SGCZ: variants seen among roughly 807,000 people sequenced by gnomAD.
The protein encoded by SGCZ is sarcoglycan zeta, also known as zeta-sarcoglycan.
In SGCZ, 40 loss-of-function variants were observed where a neutral mutation model predicts 41.3. That is an observed-to-expected ratio of 0.97 (90% CI 0.75 to 1.26). The LOEUF (loss-of-function observed/expected upper bound fraction) is 1.26, where lower values mean the gene tolerates loss of function less well. SGCZ is among the 50% of genes most tolerant of loss of function. The pLI, the probability that SGCZ is intolerant of heterozygous loss-of-function variation, is 0.00. For missense variants in SGCZ, 552 were observed against 369.8 expected (o/e 1.49, Z -4.04); for synonymous variants, 206 against 137.5 (o/e 1.50, Z -3.49).
At chr8:14,550,549 A>G (rs1168684569) in intron 2 of SGCZ, among the ~76,000 whole-genome samples, 1 of 151,962 alleles carries the variant, frequency 6.6e-6, no homozygotes, top group Non-Finnish European at 1.5e-5. Context: ...TACTACTGCT[A>G]TGTGTGGGGT....
chr8:14,671,750 T>C (rs1040393080), intron 1 of SGCZ, among the ~76,000 whole-genome samples: 2 of 152,120 alleles, frequency 1.3e-5, no homozygotes, highest in African/African-American at 2.4e-5. Context: ...AATAATAACA[T>C]AAATAATTTC....
At chr8:15,147,646 T>C (rs923953294) in intron 1 of SGCZ, among the ~76,000 whole-genome samples, 2 of 152,096 alleles carry the variant, frequency 1.3e-5, no homozygotes, top group African/African-American at 2.4e-5. Context: ...CGATCCCTTA[T>C]GTAGAATGCA....
intron 1 of SGCZ, among the ~76,000 whole-genome samples, chr8:15,037,442 T>C (rs909751048): frequency 5.9e-5 from 9 of 152,156 alleles, no homozygotes; most frequent in Non-Finnish European, 7.4e-5. Flanking sequence ...CATGTATAAA[T>C]TACCCAGTCT....
intron 1 of SGCZ, among the ~76,000 whole-genome samples, chr8:14,643,426 G>T (rs1156617869): frequency 6.6e-6 from 1 of 151,434 alleles, no homozygotes; most frequent in Non-Finnish European, 1.5e-5. Flanking sequence ...TGCTTAATTA[G>T]ATTATTTTGT....
intron 1 of SGCZ, among the ~76,000 whole-genome samples, chr8:15,093,681 C>T (rs1279493564): frequency 1.3e-5 from 2 of 152,008 alleles, no homozygotes; most frequent in Non-Finnish European, 2.9e-5. Flanking sequence ...TATTGTACGT[C>T]AAAGTAAAAA....
At position 15,088,551 on chromosome 8, in the gene SGCZ, G is replaced by C. The variant is rs1049474174; in HGVS notation, c.39+149034C>G. On this transcript the variant is annotated intron_variant, in intron 1 of 7. Coordinates refer to ENST00000382080, the MANE Select transcript of SGCZ (RefSeq NM_139167.4). ...TTAATTCTTGAATAAACATCAGTGTGTAGAATTGTTTAAATAAAAGATGCT... is the reference window on the plus strand; with the variant it reads ...TTAATTCTTGAATAAACATCAGTGTCTAGAATTGTTTAAATAAAAGATGCT... 1.8e-4 allele frequency among the ~76,000 whole-genome samples: 27 copies of C among 152,122 alleles called. 1 individual carries two copies. Among genetic ancestry groups the C allele is most frequent in the Non-Finnish European group, 7.4e-5 (5 of 68,018 alleles).
intron 1 of SGCZ, among the ~76,000 whole-genome samples, chr8:15,012,075 T>C (rs1053192618): frequency 1.3e-5 from 2 of 152,314 alleles, no homozygotes; most frequent in African/African-American, 4.8e-5. Flanking sequence ...CCTCTTAAAA[T>C]CCATCTTTGT....
intron 4 of SGCZ, among the ~76,000 whole-genome samples, chr8:14,189,947 G>C (rs1172933294): frequency 6.6e-6 from 1 of 151,152 alleles, no homozygotes; most frequent in East Asian, 1.9e-4. Context: ...CTTCCATTTA[G>C]CATAATGTCC....
At chr8:14,611,792 T>G (rs1287834800) in intron 1 of SGCZ, among the ~76,000 whole-genome samples, 1 of 152,104 alleles carries the variant, frequency 6.6e-6, no homozygotes, top group Non-Finnish European at 1.5e-5. Flanking sequence ...CGAGACTGAC[T>G]AATAAAATAC....
At chr8:14,095,695 G>A (rs933572178) in intron 7 of SGCZ, among the ~76,000 whole-genome samples, 1 of 152,166 alleles carries the variant, frequency 6.6e-6, no homozygotes, top group East Asian at 1.9e-4. Context: ...ACTTTGGGTA[G>A]TATGGCCATT....
intron 4 of SGCZ, among the ~76,000 whole-genome samples, chr8:14,167,331 T>C (rs986169242): frequency 1.3e-5 from 2 of 152,170 alleles, no homozygotes; most frequent in African/African-American, 4.8e-5. Context: ...TCAATCTTAA[T>C]CCACCAATGA....
chr8:14,562,904 T>G (rs1804248940), intron 1 of SGCZ, among the ~76,000 whole-genome samples: 1 of 152,176 alleles, frequency 6.6e-6, no homozygotes, highest in Non-Finnish European at 1.5e-5. Flanking sequence ...AGAGATGTGG[T>G]AGCAGAGGAA....
At chr8:14,820,768 T>A (rs1362417432) in intron 1 of SGCZ, among the ~76,000 whole-genome samples, 1 of 151,412 alleles carries the variant, frequency 6.6e-6, no homozygotes, top group Non-Finnish European at 1.5e-5. Context: ...TTAAAAGGGA[T>A]CTAAAAATTT....
chr8:15,011,916 T>G (rs1351789194), intron 1 of SGCZ, among the ~76,000 whole-genome samples: 1 of 152,198 alleles, frequency 6.6e-6, no homozygotes, highest in African/African-American at 2.4e-5. Context: ...ACTGTGGTGC[T>G]TATAAGTACA....
intron 3 of SGCZ, among the ~76,000 whole-genome samples, chr8:14,285,198 T>C (rs117057916): frequency 6.6e-6 from 1 of 152,254 alleles, no homozygotes; most frequent in Non-Finnish European, 1.5e-5. Flanking sequence ...TCTCCAGCTG[T>C]TCCACATAAA....
In SGCZ at chr8:14,151,065, T is replaced by C. The variant is rs576423945; in HGVS notation, c.547+13515A>G. ...CGTCAGGTGAGGTGGGAATGGTTAT[T>C]GAGTACAAAAAATAGTAAGAAAAAA... On this transcript the variant is annotated intron_variant, in intron 5 of 7. Transcript: ENST00000382080. 2.6e-5 allele frequency among the ~76,000 whole-genome samples: 4 copies of C among 152,210 alleles called. No individual in the cohort carries two copies. The South Asian group carries it at 8.3e-4, about 32-fold the overall frequency.
At chr8:14,964,605 T>A (rs755846266) in intron 1 of SGCZ, among the ~76,000 whole-genome samples, 1 of 152,212 alleles carries the variant, frequency 6.6e-6, no homozygotes, top group Non-Finnish European at 1.5e-5. Flanking sequence ...ATCCCACACG[T>A]AGCTTTGCAA....
chr8:14,662,382 C>A (rs186590143), intron 1 of SGCZ, among the ~76,000 whole-genome samples: 1 of 152,272 alleles, frequency 6.6e-6, no homozygotes, highest in East Asian at 1.9e-4. Context: ...ATTATGTTTT[C>A]CACATAAATG....
chr8:14,209,945 C>T (rs1670164588), intron 4 of SGCZ, among the ~76,000 whole-genome samples: 1 of 152,084 alleles, frequency 6.6e-6, no homozygotes, highest in Non-Finnish European at 1.5e-5. Context: ...ATACATTTCT[C>T]ATTTATTTAC....
Sources: allele counts gnomAD v4.1 joint callset (sites outside exome capture counted in the v4.1 genomes callset), GRCh38; gene constraint gnomAD v4.1.1; transcripts MANE v1.5; gene names NCBI Gene and HGNC (gene_info 2026-07-23, HGNC 2026-07-21).